CACNA1D: variants seen among roughly 807,000 people sequenced by gnomAD.
CACNA1D encodes voltage-dependent L-type calcium channel subunit alpha-1D.
A neutral mutation model predicts 257.1 loss-of-function variants in CACNA1D; 55 were observed. The ratio of observed to expected loss-of-function variants is 0.21; its 90% CI spans 0.17 to 0.27. The LOEUF (loss-of-function observed/expected upper bound fraction) is 0.27, where lower values mean the gene tolerates loss of function less well. Ranked by LOEUF, CACNA1D falls within the 10% of genes least tolerant of loss-of-function variation. The pLI is 1.00. For synonymous variants in CACNA1D, 980 were observed against 1,014.9 expected (o/e 0.97, Z 0.65); for missense variants, 1,876 against 2,784.0 (o/e 0.67, Z 7.34).
In CACNA1D at chr3:53,686,810, A is replaced by G. The variant is rs960461285; in HGVS notation, c.1220+13684A>G. 3.9e-5 allele frequency among the ~76,000 whole-genome samples: 6 copies of G among 152,092 alleles called. No homozygotes were observed. The South Asian group carries it at 1.0e-3, about 26-fold the overall frequency. On this transcript the variant is annotated intron_variant, in intron 8 of 47. Transcript: ENST00000350061. ...TTTATTGAAAGTCTGAAGGTAAGAC[A>G]AAGAGATAAAAGGCAGAAAGATTGG...
intron 3 of CACNA1D, among the ~76,000 whole-genome samples, chr3:53,586,276 C>CTATG (rs368988046): frequency 7.4e-6 from 1 of 135,938 alleles, no homozygotes; most frequent in Non-Finnish European, 1.6e-5. Flanking sequence ...TGCCTCTATT[C>CTATG]TGTGTGTGTG....
intron 39 of CACNA1D, chr3:53,782,858 C>G (rs2095433491): frequency 6.6e-6 from 1 of 152,242 alleles, no homozygotes; most frequent in South Asian, 2.1e-4. Context: ...TTTAAAACAA[C>G]TCCTTGGTTT....
rs1257464630 is a variant in CACNA1D, at chr3:53,718,779, T to C, written c.1478+391T>C. 4 of 1,513,440 alleles carry C rather than the reference T, an allele frequency of 2.6e-6. No individual in the cohort carries two copies. In the East Asian group the frequency reaches 9.8e-5, roughly 37 times the overall value. The allele number at this position is 1,513,440 out of a possible 1,614,324, so 93.8% of individuals were successfully genotyped here. A position where few individuals can be genotyped will look rare whatever the true frequency, so the allele number is the denominator to read the frequency against. The stretch of plus-strand genomic sequence containing the variant: ...TTCTCCTTCCAGCCTGGGTTTGGCA[T>C]TTGTGCTTTTGAAGAAGAGCTTCTG... On this transcript the variant is annotated intron_variant, in intron 10 of 47. Transcript: ENST00000350061.
intron 3 of CACNA1D, among the ~76,000 whole-genome samples, chr3:53,570,875 T>G (rs994754655): frequency 6.6e-6 from 1 of 152,220 alleles, no homozygotes; most frequent in Non-Finnish European, 1.5e-5. Context: ...AAAAGTGAGC[T>G]TGGAGCTGGG....
intron 3 of CACNA1D, among the ~76,000 whole-genome samples, chr3:53,530,675 G>A (rs555509615): frequency 4.4e-4 from 67 of 152,196 alleles, no homozygotes; most frequent in South Asian, 1.2e-3. Context: ...GTGCCCATGG[G>A]GTGGTGTGCA....
intron 44 of CACNA1D, 46 bp from the exon 45 acceptor site, chr3:53,804,937 A>C: frequency 6.3e-7 from 1 of 1,577,492 alleles, no homozygotes; most frequent in Non-Finnish European, 8.7e-7. Flanking sequence ...GTTGAGTGAC[A>C]GAGCTTGTTA....
chr3:53,660,528 G>A lies in CACNA1D; in HGVS notation c.766+253G>A, dbSNP rs187051304. Among the ~76,000 whole-genome samples the A allele has an allele frequency of 1.6e-4, 25 of 152,352 alleles. No homozygotes were observed. The East Asian group carries it at 2.7e-3, about 16-fold the overall frequency. The stretch of plus-strand genomic sequence containing the variant: ...ATCTTCTCTTGCAGAAAGACAAGGT[G>A]AGGTGTTGGGGTGAGACCTTGGGTT... On this transcript the variant is annotated intron_variant, in intron 5 of 47. Coordinates refer to ENST00000350061, the MANE Select transcript of CACNA1D (RefSeq NM_001128840.3).
intron 25 of CACNA1D, 67 bp downstream of exon 25, chr3:53,745,942 T>C (rs2095164544): frequency 1.6e-6 from 2 of 1,241,506 alleles, no homozygotes; most frequent in East Asian, 4.6e-5. Flanking sequence ...GATTCACACA[T>C]GTTGGCACGT....
At chr3:53,589,897 G>T (rs781120773) in intron 3 of CACNA1D, among the ~76,000 whole-genome samples, 31 of 152,178 alleles carry the variant, frequency 2.0e-4, no homozygotes, top group Admixed American at 7.8e-4. Flanking sequence ...TTGGGTGGCT[G>T]TTTCAGCTCC....
intron 30 of CACNA1D, among the ~76,000 whole-genome samples, chr3:53,766,975 A>G (rs1483562857): frequency 2.6e-5 from 4 of 152,136 alleles, no homozygotes; most frequent in Non-Finnish European, 4.4e-5. Flanking sequence ...CAGCTCCACC[A>G]GTTCCCTTCA....
chr3:53,546,330 A>G (rs2092412126), intron 3 of CACNA1D, among the ~76,000 whole-genome samples: 1 of 151,834 alleles, frequency 6.6e-6, no homozygotes, highest in Non-Finnish European at 1.5e-5. Context: ...GGAACCCAAC[A>G]GAGCTGCACT....
intron 3 of CACNA1D, among the ~76,000 whole-genome samples, chr3:53,588,693 CT>C (rs1437746668): frequency 6.6e-6 from 1 of 152,126 alleles, no homozygotes; most frequent in East Asian, 1.9e-4. Context: ...TAGCTGCTTT[CT>C]TTTTTACCTT....
At chr3:53,760,289 C>T (rs765494684) in intron 29 of CACNA1D, among the ~76,000 whole-genome samples, 7 of 152,204 alleles carry the variant, frequency 4.6e-5, no homozygotes, top group Admixed American at 3.3e-4. Context: ...ACAGTCAGTA[C>T]GTCCACATCT....
Position 53,744,755 on chromosome 3 carries a change from C to T in CACNA1D, c.2934C>T (p.Ser978=), listed in dbSNP as rs746947600. Reference sequence around the variant, plus strand: ...CCTTCCCTAGATCCAGTGCCATCTCCGTTGTGAAGATTCTGAGGGTCTTAA... The same window carrying T: ...CCTTCCCTAGATCCAGTGCCATCTCTGTTGTGAAGATTCTGAGGGTCTTAA... ...VSFGIQSSAI[S]VVKILRVLRV... The change falls in exon 23 of 48, where the codon TCC becomes TCT. Residue 978 remains serine, a synonymous_variant. Transcript: ENST00000350061. 7.5e-6 allele frequency: 12 copies of T among 1,602,208 alleles called. No homozygotes were observed. Among genetic ancestry groups the T allele is most frequent in the Admixed American group, 6.7e-5 (4 of 60,014 alleles).
At chr3:53,564,522 G>GT (rs1185668482) in intron 3 of CACNA1D, among the ~76,000 whole-genome samples, 3 of 152,152 alleles carry the variant, frequency 2.0e-5, no homozygotes, top group Admixed American at 6.5e-5. Flanking sequence ...TGATAGAAAT[G>GT]TTTTTTCCTT....
At chr3:53,658,020 T>C (rs184248287) in intron 4 of CACNA1D, among the ~76,000 whole-genome samples, 1 of 152,384 alleles carries the variant, frequency 6.6e-6, no homozygotes, top group African/African-American at 2.4e-5. Context: ...ACTTAAGCTT[T>C]TTTTGAAGAA....
rs2090308385 is a variant in CACNA1D, at chr3:53,495,547, GC to G, written c.67+319del. 2.0e-5 allele frequency among the ~76,000 whole-genome samples: 3 copies of G among 152,094 alleles called. No homozygotes were observed. Among genetic ancestry groups the G allele is most frequent in the African/African-American group, 7.2e-5 (3 of 41,414 alleles). On this transcript the variant is annotated intron_variant, in intron 1 of 47. Coordinates refer to ENST00000350061, the MANE Select transcript of CACNA1D (RefSeq NM_001128840.3). This position sits in a 1 kb window ranked among gnomAD's most constrained non-coding sequence, Gnocchi z 5.1. ...TCCTCGGGCTCAACTTTCCTTCAAC[GC>G]CCCCGAGCGATGGCAGGAGGGCCGC...
At chr3:53,744,241 C>G (rs888244995) in intron 22 of CACNA1D, among the ~76,000 whole-genome samples, 1 of 151,430 alleles carries the variant, frequency 6.6e-6, no homozygotes, top group African/African-American at 2.4e-5. Context: ...CCCTGCCCCA[C>G]CCCCACAGGT....
Position 53,786,836 on chromosome 3 carries a change from G to A in CACNA1D, c.4807G>A (p.Val1603Met). The A allele has an allele frequency of 6.2e-7, 1 of 1,604,894 alleles. No homozygotes were observed. The highest frequency in any genetic ancestry group is 8.5e-7 in the Non-Finnish European group (1 of 1,174,180). Residue 1603 changes from valine to methionine, a missense_variant, in exon 40 of 48, where the codon GTG (valine) becomes ATG (methionine). Around this residue, in one of 10 missense-constraint regions of CACNA1D, gnomAD observed 160 missense variants for 236.6 expected, o/e 0.68. Transcript: ENST00000350061. ...TCTCCGTTTAGATGATGAGGTAACC[G>A]TGGGGAAGTTCTATGCCACTTTCCT... ...VPPAGDDEVT[V>M]GKFYATFLIQ...
Sources: gnomAD v4.1 joint callset for allele counts (sites outside exome capture counted in the v4.1 genomes callset) on GRCh38, gnomAD v4.1.1 for gene constraint, gnomAD v4.1.1 regional missense constraint, Gnocchi (gnomAD v3.1) non-coding constraint, MANE v1.5 for transcripts, NCBI Gene and HGNC (gene_info 2026-07-23, HGNC 2026-07-21) for gene names.